RAD51B: variants seen among roughly 807,000 people sequenced by gnomAD.
RAD51B encodes the protein DNA repair protein RAD51 homolog 2.
Under a neutral mutation model 42.2 loss-of-function variants are expected in RAD51B, and 38 were observed. The ratio of observed to expected loss-of-function variants is 0.90; its 90% CI spans 0.70 to 1.18. RAD51B has a LOEUF of 1.18. Among genes scored for constraint, RAD51B ranks in the 50% most tolerant of loss-of-function variants. RAD51B has a pLI of 0.00. For missense variants in RAD51B, 373 were observed against 400.7 expected (o/e 0.93, Z 0.59); for synonymous variants, 154 against 145.2 (o/e 1.06, Z -0.43).
intron 8 of RAD51B, among the ~76,000 whole-genome samples, chr14:68,350,222 A>G (rs1406639346): frequency 6.6e-6 from 1 of 152,244 alleles, no homozygotes; most frequent in Non-Finnish European, 1.5e-5. Flanking sequence ...TTAACGCTGG[A>G]TAAACTTGAG....
chr14:68,097,986 T>A (rs1290356306), intron 7 of RAD51B, among the ~76,000 whole-genome samples: 2 of 152,214 alleles, frequency 1.3e-5, no homozygotes, highest in African/African-American at 4.8e-5. Context: ...AACATCTCAC[T>A]GAAGCTTTAC....
At chr14:68,350,993 G>A (rs932790213) in intron 8 of RAD51B, among the ~76,000 whole-genome samples, 6 of 152,130 alleles carry the variant, frequency 3.9e-5, no homozygotes, top group Non-Finnish European at 5.9e-5. Flanking sequence ...TCATGGCTCT[G>A]GCCTTATTTT....
intron 7 of RAD51B, chr14:67,908,178 A>C (rs886128484): frequency 6.6e-6 from 1 of 152,182 alleles, no homozygotes; most frequent in Non-Finnish European, 1.5e-5. Flanking sequence ...TAAGATACAG[A>C]TTGCTTGGCC....
intron 7 of RAD51B, among the ~76,000 whole-genome samples, chr14:67,962,918 C>A (rs1189677016): frequency 6.6e-6 from 1 of 152,070 alleles, no homozygotes; most frequent in African/African-American, 2.4e-5. Flanking sequence ...TAATCTTATT[C>A]ATAGCAACAA....
At chr14:68,334,306 G>A (rs1193026488) in intron 8 of RAD51B, among the ~76,000 whole-genome samples, 1 of 152,074 alleles carries the variant, frequency 6.6e-6, no homozygotes, top group East Asian at 1.9e-4. Context: ...AATATATACT[G>A]TATTCTTACA....
At position 68,141,172 on chromosome 14, in the gene RAD51B, TCTC is replaced by T. The variant is rs140440961; in HGVS notation, c.757-150711_757-150709del. 9.1e-3 allele frequency among the ~76,000 whole-genome samples: 1,383 copies of T among 152,306 alleles called. 21 individuals are homozygous for T. Among genetic ancestry groups the T allele is most frequent in the African/African-American group, 0.031 (1,305 of 41,564 alleles). On this transcript the variant is annotated intron_variant, in intron 7 of 10. Transcript: ENST00000471583. ...CAGGAATGCAGAACAGTGCCACTCT[TCTC>T]ATGAACATTTTTTGTTTTAGAAAAT...
chr14:67,844,380 T>G (rs1268478052), intron 4 of RAD51B, among the ~76,000 whole-genome samples: 1 of 151,946 alleles, frequency 6.6e-6, no homozygotes, highest in South Asian at 2.1e-4. Flanking sequence ...TTTGGTCAAG[T>G]GTTGAGTTCA....
chr14:68,401,179 T>C (rs1178018581), intron 8 of RAD51B, among the ~76,000 whole-genome samples: 1 of 152,236 alleles, frequency 6.6e-6, no homozygotes, highest in Non-Finnish European at 1.5e-5. Context: ...TTCTGGACAG[T>C]TCCTACATAG....
intron 9 of RAD51B, among the ~76,000 whole-genome samples, chr14:68,439,853 G>T (rs2085242727): frequency 6.6e-6 from 1 of 152,190 alleles, no homozygotes; most frequent in Non-Finnish European, 1.5e-5. Flanking sequence ...GTGTTGAAAT[G>T]TTCCAGGGTC....
At chr14:67,853,784 A>C (rs2139952488) in intron 4 of RAD51B, among the ~76,000 whole-genome samples, 1 of 152,318 alleles carries the variant, frequency 6.6e-6, no homozygotes, top group Non-Finnish European at 1.5e-5. Context: ...TTAACTTAAA[A>C]ATTTCCTAGG....
chr14:68,151,654 G>C (rs1398698064), intron 7 of RAD51B, among the ~76,000 whole-genome samples: 3 of 151,548 alleles, frequency 2.0e-5, no homozygotes, highest in African/African-American at 7.3e-5. Flanking sequence ...AGTTTCTATT[G>C]TTATGCCTTC....
At chr14:67,865,405 T>C (rs2042305517) in intron 5 of RAD51B, among the ~76,000 whole-genome samples, 1 of 151,726 alleles carries the variant, frequency 6.6e-6, no homozygotes, top group Admixed American at 6.6e-5. Context: ...CCTGGCTAAT[T>C]ATTCTATTTT....
At chr14:68,072,064 TATATAA>T (rs1380449662) in intron 7 of RAD51B, among the ~76,000 whole-genome samples, 53 of 93,766 alleles carry the variant, frequency 5.7e-4, no homozygotes, top group Middle Eastern at 0.013. Flanking sequence ...TATATATATT[TATATAA>T]ATATATAAAT....
intron 9 of RAD51B, among the ~76,000 whole-genome samples, chr14:68,415,456 C>T (rs546910103): frequency 9.9e-5 from 15 of 152,254 alleles, no homozygotes; most frequent in Admixed American, 2.6e-4. Flanking sequence ...TAACTAGTTG[C>T]GCTGGAGATT....
downstream of RAD51B, among the ~76,000 whole-genome samples, chr14:68,613,735 T>A (rs1391008488): frequency 4.6e-5 from 7 of 152,146 alleles, no homozygotes; most frequent in Non-Finnish European, 1.0e-4. Flanking sequence ...ATTACAGGCG[T>A]GAGCCACCCT....
intron 7 of RAD51B, among the ~76,000 whole-genome samples, chr14:68,013,758 A>G (rs1765609719): frequency 6.6e-6 from 1 of 152,196 alleles, no homozygotes; most frequent in South Asian, 2.1e-4. Context: ...CATTTCCTGC[A>G]TGCATCATAT....
chr14:68,097,898 C>T (rs886484717), intron 7 of RAD51B, among the ~76,000 whole-genome samples: 1 of 152,180 alleles, frequency 6.6e-6, no homozygotes, highest in African/African-American at 2.4e-5. Flanking sequence ...TACCTCCCAC[C>T]ATGTCTCTTT....
intron 10 of RAD51B, among the ~76,000 whole-genome samples, chr14:68,575,553 A>G (rs1889922642): frequency 1.3e-5 from 2 of 152,184 alleles, no homozygotes; most frequent in South Asian, 4.1e-4. Context: ...GCCTTGCGGC[A>G]TGGTAGATTG....
chr14:68,231,839 C>CAGG (rs2080156337), intron 7 of RAD51B, among the ~76,000 whole-genome samples: 1 of 152,020 alleles, frequency 6.6e-6, no homozygotes, highest in Non-Finnish European at 1.5e-5. Flanking sequence ...GAAACAGGGA[C>CAGG]AGGAGACCAA....
Sources: allele counts gnomAD v4.1 joint callset (sites outside exome capture counted in the v4.1 genomes callset), GRCh38; gene constraint gnomAD v4.1.1; transcripts MANE v1.5; gene names NCBI Gene and HGNC (gene_info 2026-07-23, HGNC 2026-07-21).